Variants in MCPH1 observed in about 807,000 individuals in gnomAD.
MCPH1 encodes microcephalin 1.
In MCPH1, 104 loss-of-function variants were observed where a neutral mutation model predicts 84.5. The ratio of observed to expected loss-of-function variants is 1.23; its 90% CI spans 1.05 to 1.45. The LOEUF (loss-of-function observed/expected upper bound fraction) is 1.45, where lower values mean the gene tolerates loss of function less well. Among genes scored for constraint, MCPH1 ranks in the 40% most tolerant of loss-of-function variants. The pLI is 0.00. For synonymous variants in MCPH1, 514 were observed against 366.8 expected, an observed-to-expected ratio of 1.40 and a Z score of -4.58; for missense variants, 1,498 against 1,005.7, an observed-to-expected ratio of 1.49 and a Z score of -6.62.
chr8:6,474,793 A>G (rs930111634), intron 9 of MCPH1, among the ~76,000 whole-genome samples: 3 of 152,152 alleles, frequency 2.0e-5, no homozygotes, highest in Admixed American at 6.5e-5. Flanking sequence ...GAGGGCAGGT[A>G]TTTGAGACCA....
In MCPH1 at chr8:6,444,994, G is replaced by T. The variant is rs574544550; in HGVS notation, c.1272G>T (p.Arg424Ser). ...TTTCACCTGATAATCTTAAGGAAAG[G>T]TATTCAGAGAATCTTCCTCCTGAAT... ...DYFSPDNLKE[R>S]YSENLPPESQ... The change falls in exon 8 of 14, where the codon AGG (arginine) becomes AGT (serine). Residue 424 changes from arginine to serine, a missense_variant. Transcript: ENST00000344683. 6.8e-6 allele frequency: 11 copies of T among 1,614,170 alleles called. No individual in the cohort carries two copies. The South Asian group carries it at 1.2e-4, about 18-fold the overall frequency.
chr8:6,608,941 G>A (rs1372897554), intron 12 of MCPH1, among the ~76,000 whole-genome samples: 1 of 152,244 alleles, frequency 6.6e-6, no homozygotes, highest in South Asian at 2.1e-4. Context: ...AGCTTCCCAG[G>A]CGATGAGAAT....
At chr8:6,541,076 G>A (rs2959819) in intron 12 of MCPH1, among the ~76,000 whole-genome samples, 33,082 of 152,222 alleles carry the variant, frequency 0.22, 4,177 homozygotes, top group African/African-American at 0.35. Context: ...TGGAGCCAAC[G>A]TCCCTAGGCA....
intron 3 of MCPH1, among the ~76,000 whole-genome samples, chr8:6,425,936 AC>A (rs564527423): frequency 6.6e-6 from 1 of 151,930 alleles, no homozygotes; most frequent in African/African-American, 2.4e-5. Context: ...CATCTCAGCC[AC>A]CCCCCTTTTG....
chr8:6,463,312 A>C (rs778717727), intron 9 of MCPH1, among the ~76,000 whole-genome samples: 1 of 152,200 alleles, frequency 6.6e-6, no homozygotes, highest in East Asian at 1.9e-4. Context: ...CATCTCCAGT[A>C]TCATTAGAAC....
At chr8:6,474,466 A>G (rs1808172727) in intron 9 of MCPH1, among the ~76,000 whole-genome samples, 2 of 151,382 alleles carry the variant, frequency 1.3e-5, no homozygotes, top group African/African-American at 2.4e-5. Flanking sequence ...GCTGTCTCCA[A>G]AAAAAAAATT....
rs116932878 is a variant in MCPH1 at position 6,471,730 on chromosome 8, T to A, written c.1936-5864T>A. ...TAGAAATCCTCTTCCCCTGGTGGGGTCTCAGCATTATTTAGACAATGCCAT... is the reference window on the plus strand; with the variant it reads ...TAGAAATCCTCTTCCCCTGGTGGGGACTCAGCATTATTTAGACAATGCCAT... On this transcript the variant is annotated intron_variant, in intron 9 of 13. Coordinates refer to ENST00000344683, the MANE Select transcript of MCPH1 (RefSeq NM_024596.5). Among the ~76,000 whole-genome samples the A allele has an allele frequency of 1.2e-3, 189 of 152,290 alleles. 3 individuals carry two copies. In the East Asian group the frequency reaches 0.03, roughly 25 times the overall value.
intron 12 of MCPH1, among the ~76,000 whole-genome samples, chr8:6,519,692 C>T (rs901135699): frequency 6.6e-6 from 1 of 152,206 alleles, no homozygotes; most frequent in Admixed American, 6.5e-5. Flanking sequence ...AGCAGCGGCA[C>T]TTAGAGCCCT....
intron 7 of MCPH1, among the ~76,000 whole-genome samples, chr8:6,442,471 G>C (rs1190945180): frequency 6.6e-6 from 1 of 152,188 alleles, no homozygotes; most frequent in Non-Finnish European, 1.5e-5. Flanking sequence ...TGAGGTCAGA[G>C]CTAAGGAAAT....
At chr8:6,486,794 G>T (rs1015703073) in intron 11 of MCPH1, among the ~76,000 whole-genome samples, 4 of 152,142 alleles carry the variant, frequency 2.6e-5, no homozygotes, top group Non-Finnish European at 4.4e-5. Flanking sequence ...GAAAAATAAA[G>T]AAATTAATTT....
intron 10 of MCPH1, among the ~76,000 whole-genome samples, chr8:6,480,454 C>G (rs937617635): frequency 6.6e-6 from 1 of 152,188 alleles, no homozygotes; most frequent in Non-Finnish European, 1.5e-5. Flanking sequence ...CTGTCCCTAC[C>G]CAGCCCAGCC....
intron 9 of MCPH1, among the ~76,000 whole-genome samples, chr8:6,469,164 T>C (rs979396345): frequency 1.3e-5 from 2 of 152,092 alleles, no homozygotes; most frequent in Non-Finnish European, 2.9e-5. Flanking sequence ...TGGGCAAGAG[T>C]GAGACCCTGT....
At chr8:6,480,930 G>T in intron 11 of MCPH1, 54 bp downstream of exon 11, 1 of 1,598,952 alleles carries the variant, frequency 6.3e-7, no homozygotes, top group Non-Finnish European at 8.5e-7. Context: ...TGATAGAGTG[G>T]GTCACCCTGA....
intron 9 of MCPH1, among the ~76,000 whole-genome samples, chr8:6,465,057 G>C (rs151052364): frequency 1.5e-4 from 23 of 152,138 alleles, no homozygotes; most frequent in African/African-American, 5.1e-4. Context: ...GCAAAGGAGA[G>C]ATGTGGAGGC....
chr8:6,594,863 G>T (rs542541753), intron 12 of MCPH1, among the ~76,000 whole-genome samples: 2 of 152,186 alleles, frequency 1.3e-5, no homozygotes, highest in African/African-American at 4.8e-5. Flanking sequence ...CACCAGGCTG[G>T]GGAGGACCTA....
At chr8:6,617,877 T>C (rs1830983403) in intron 12 of MCPH1, among the ~76,000 whole-genome samples, 1 of 138,374 alleles carries the variant, frequency 7.2e-6, no homozygotes, top group Admixed American at 7.3e-5. Flanking sequence ...CTGTCTATCA[T>C]CCATCTATCT....
At chr8:6,438,702 C>A (rs1803032807) in intron 5 of MCPH1, among the ~76,000 whole-genome samples, 1 of 152,190 alleles carries the variant, frequency 6.6e-6, no homozygotes, top group African/African-American at 2.4e-5. Flanking sequence ...AGGTTGGATG[C>A]ACTAATGCAT....
At chr8:6,500,026 G>C (rs1811843401) in intron 12 of MCPH1, 97 bp downstream of exon 12, 2 of 948,724 alleles carry the variant, frequency 2.1e-6, no homozygotes, top group African/African-American at 3.2e-5. Context: ...ATCCAGTCAA[G>C]CACAATTATG....
chr8:6,603,006 G>T (rs1326055826), intron 12 of MCPH1, among the ~76,000 whole-genome samples: 1 of 151,944 alleles, frequency 6.6e-6, no homozygotes, highest in Non-Finnish European at 1.5e-5. Context: ...TGTGGCCGGT[G>T]TACTATAAAC....
Sources: allele counts gnomAD v4.1 joint callset (sites outside exome capture counted in the v4.1 genomes callset), GRCh38; gene constraint gnomAD v4.1.1; transcripts MANE v1.5; gene names NCBI Gene and HGNC (gene_info 2026-07-23, HGNC 2026-07-21).